ACYP2: variants seen among roughly 807,000 people sequenced by gnomAD.
ACYP2 encodes acylphosphatase-2.
In ACYP2, 12 loss-of-function variants were observed where a neutral mutation model predicts 11.2. The observed-to-expected ratio is 1.08, with a 90% CI of 0.69 to 1.74. The LOEUF is 1.74. Among genes scored for constraint, ACYP2 ranks in the 40% most tolerant of loss-of-function variants. The pLI is 0.00. For missense variants in ACYP2, 134 were observed against 101.9 expected, an observed-to-expected ratio of 1.31 and a Z score of -1.35; for synonymous variants, 43 against 32.2, an observed-to-expected ratio of 1.33 and a Z score of -1.13.
intron 2 of ACYP2, among the ~76,000 whole-genome samples, chr2:53,979,518 T>G (rs1384470677): frequency 6.6e-6 from 1 of 151,382 alleles, no homozygotes; most frequent in Non-Finnish European, 1.5e-5. Flanking sequence ...TCCCAGCTAC[T>G]GTGGAGGCTG....
At chr2:54,214,804 G>T (rs190419794) in intron 6 of ACYP2, among the ~76,000 whole-genome samples, 33 of 152,290 alleles carry the variant, frequency 2.2e-4, no homozygotes, top group African/African-American at 7.9e-4. Context: ...TTGGTAGTTT[G>T]ATAGGAATGG....
intron 6 of ACYP2, among the ~76,000 whole-genome samples, chr2:54,260,977 A>G (rs985057097): frequency 6.6e-6 from 1 of 152,190 alleles, no homozygotes; most frequent in South Asian, 2.1e-4. Flanking sequence ...AAAGCTGGAT[A>G]TGTATTCTAG....
intron 2 of ACYP2, among the ~76,000 whole-genome samples, chr2:54,019,993 A>C (rs1341596688): frequency 6.6e-6 from 1 of 151,302 alleles, no homozygotes; most frequent in Non-Finnish European, 1.5e-5. Context: ...CCAATGCTGG[A>C]GTACAATGGT....
At chr2:54,214,616 A>C (rs1245502086) in intron 6 of ACYP2, among the ~76,000 whole-genome samples, 2 of 152,202 alleles carry the variant, frequency 1.3e-5, no homozygotes, top group Non-Finnish European at 2.9e-5. Flanking sequence ...TTTTTGTACC[A>C]GTATAGCACA....
At chr2:54,026,726 A>G (rs551535823) in intron 2 of ACYP2, among the ~76,000 whole-genome samples, 8 of 152,358 alleles carry the variant, frequency 5.3e-5, no homozygotes, top group South Asian at 4.1e-4. Flanking sequence ...CTACTCAGCC[A>G]TAAAAGGAAA....
chr2:54,005,588 C>T (rs1337394497), intron 2 of ACYP2, among the ~76,000 whole-genome samples: 1 of 152,204 alleles, frequency 6.6e-6, no homozygotes, highest in Non-Finnish European at 1.5e-5. Context: ...ATCCACCTGC[C>T]TCAGCCTCCC....
intron 5 of ACYP2, among the ~76,000 whole-genome samples, chr2:54,135,916 G>C (rs1208186206): frequency 1.3e-5 from 2 of 152,160 alleles, no homozygotes; most frequent in African/African-American, 2.4e-5. Context: ...ATTTAGTTTG[G>C]AGACGGAGTC....
At chr2:54,034,457 G>A (rs1198423377) in intron 2 of ACYP2, among the ~76,000 whole-genome samples, 4 of 152,126 alleles carry the variant, frequency 2.6e-5, no homozygotes, top group African/African-American at 9.7e-5. Flanking sequence ...TGTTACAGTT[G>A]CGTACAGTAT....
chr2:54,055,223 G>C (rs1039282342), intron 3 of ACYP2, among the ~76,000 whole-genome samples: 1 of 152,160 alleles, frequency 6.6e-6, no homozygotes, highest in Admixed American at 6.5e-5. Context: ...TTTTAGTAGA[G>C]ATGGGGTTTC....
At chr2:54,121,148 C>T (rs1180673202) in intron 4 of ACYP2, among the ~76,000 whole-genome samples, 1 of 152,164 alleles carries the variant, frequency 6.6e-6, no homozygotes, top group East Asian at 1.9e-4. Context: ...GTGAACAAGG[C>T]AGAGAAGAAT....
chr2:53,997,401 C>G (rs923762938), intron 2 of ACYP2, among the ~76,000 whole-genome samples: 9 of 152,092 alleles, frequency 5.9e-5, no homozygotes, highest in African/African-American at 2.2e-4. Flanking sequence ...TGCCTTCCGG[C>G]TTCAAGTGAT....
At chr2:54,194,689 C>T (rs1397899248) in intron 6 of ACYP2, among the ~76,000 whole-genome samples, 1 of 151,894 alleles carries the variant, frequency 6.6e-6, no homozygotes, top group African/African-American at 2.4e-5. Context: ...TTTACAAGTT[C>T]TGCAAACACT....
intron 6 of ACYP2, chr2:54,166,819 C>T (rs983545202): frequency 1.3e-5 from 2 of 152,148 alleles, no homozygotes; most frequent in East Asian, 1.9e-4. Flanking sequence ...ACATTTGCCA[C>T]CCCAGTTCGC....
At chr2:54,042,173 A>G (rs1451838909) in intron 2 of ACYP2, among the ~76,000 whole-genome samples, 1 of 151,956 alleles carries the variant, frequency 6.6e-6, no homozygotes, top group Non-Finnish European at 1.5e-5. Context: ...CACCCTGCTA[A>G]TTTTGTATTT....
chr2:54,092,930 A>T (rs1299638212), intron 4 of ACYP2, among the ~76,000 whole-genome samples: 1 of 152,168 alleles, frequency 6.6e-6, no homozygotes, highest in African/African-American at 2.4e-5. Flanking sequence ...TTCTAAGTTT[A>T]TGTGCCCCAG....
chr2:54,256,154 TGGTAGCGGCCAGGGCAGCAGTG>T lies in ACYP2; in HGVS notation c.405-48528_405-48507del, dbSNP rs746201082. The T allele has an allele frequency of 7.0e-5, 112 of 1,608,902 alleles. No individual in the cohort carries two copies. The South Asian group carries it at 1.2e-3, about 17-fold the overall frequency. On this transcript the variant is annotated intron_variant, in intron 6 of 6. Transcript: ENST00000607452. ...TGAGGACTCTCCGGGAGGCTCATGT[TGGTAGCGGCCAGGGCAGCAGTG>T]GGTAGAGGCCAGGCCAGAGGTAGGT...
intron 6 of ACYP2, among the ~76,000 whole-genome samples, chr2:54,172,544 G>C (rs946444728): frequency 1.3e-5 from 2 of 152,176 alleles, no homozygotes; most frequent in African/African-American, 4.8e-5. Flanking sequence ...TCCACACCTG[G>C]AGAGGGAGCA....
chr2:54,041,795 A>AT (rs75387632), intron 2 of ACYP2, among the ~76,000 whole-genome samples: 39,376 of 151,712 alleles, frequency 0.26, 5,821 homozygotes, highest in South Asian at 0.46. Context: ...CTTAGAATGC[A>AT]TTTTTTTCTT....
chr2:54,179,542 G>T (rs937807683), intron 6 of ACYP2, among the ~76,000 whole-genome samples: 1 of 152,094 alleles, frequency 6.6e-6, no homozygotes, highest in Non-Finnish European at 1.5e-5. Context: ...ACTTTTTATG[G>T]TTATTTCTTG....
Sources: allele counts gnomAD v4.1 joint callset (sites outside exome capture counted in the v4.1 genomes callset), GRCh38; gene constraint gnomAD v4.1.1; transcripts MANE v1.5; gene names NCBI Gene and HGNC (gene_info 2026-07-23, HGNC 2026-07-21).